Variants in CREBBP observed in about 807,000 individuals in gnomAD.
The protein encoded by CREBBP is CREB-binding protein.
A neutral mutation model predicts 265.0 loss-of-function variants in CREBBP; 19 were observed. The observed-to-expected ratio is 0.07, with a 90% confidence interval of 0.05 to 0.11. CREBBP has a LOEUF of 0.11. Among genes scored for constraint, CREBBP ranks in the 10% least tolerant of loss-of-function variants. The pLI is 1.00. For missense variants in CREBBP, 2,525 were observed against 3,219.0 expected, an observed-to-expected ratio of 0.78 and a Z score of 5.22; for synonymous variants, 1,457 against 1,223.7, an observed-to-expected ratio of 1.19 and a Z score of -3.98.
intron 1 of CREBBP, among the ~76,000 whole-genome samples, chr16:3,863,453 A>G (rs564951928): frequency 1.3e-5 from 2 of 152,158 alleles, no homozygotes; most frequent in South Asian, 4.1e-4. Context: ...AAATACAAAA[A>G]TTAGCTGAGC....
chr16:3,879,288 C>G (rs2055471508), intron 1 of CREBBP, among the ~76,000 whole-genome samples: 1 of 151,964 alleles, frequency 6.6e-6, no homozygotes, highest in Admixed American at 6.6e-5. Flanking sequence ...AAAATAAGCA[C>G]TAAGCATCTT....
intron 2 of CREBBP, among the ~76,000 whole-genome samples, chr16:3,839,730 G>C (rs2054528335): frequency 7.5e-6 from 1 of 133,370 alleles, no homozygotes; most frequent in Admixed American, 7.7e-5. Flanking sequence ...GAGGGGGAGG[G>C]GGAGGGAAGG....
At chr16:3,802,295 C>T (rs946610167) in intron 3 of CREBBP, among the ~76,000 whole-genome samples, 5 of 151,632 alleles carry the variant, frequency 3.3e-5, no homozygotes, top group African/African-American at 1.2e-4. Flanking sequence ...CCACACCTGA[C>T]TAATTTTTGT....
intron 2 of CREBBP, among the ~76,000 whole-genome samples, chr16:3,832,584 G>A (rs1050666554): frequency 1.3e-5 from 2 of 152,276 alleles, no homozygotes; most frequent in African/African-American, 2.4e-5. Flanking sequence ...CTACAAACCT[G>A]TACAGCTTGT....
intron 5 of CREBBP, among the ~76,000 whole-genome samples, chr16:3,791,027 G>A (rs73501796): frequency 0.042 from 6,447 of 152,230 alleles, 445 homozygotes; most frequent in African/African-American, 0.14. Context: ...ACACAAAACA[G>A]GGGAGGGTGG....
At chr16:3,826,904 G>C (rs1044136723) in intron 2 of CREBBP, among the ~76,000 whole-genome samples, 1 of 152,190 alleles carries the variant, frequency 6.6e-6, no homozygotes, top group East Asian at 1.9e-4. Context: ...GGAAAGGTAA[G>C]AGGCTAACAA....
intron 5 of CREBBP, chr16:3,791,370 T>C (rs2053503610): frequency 6.3e-6 from 1 of 158,128 alleles, no homozygotes; most frequent in African/African-American, 2.4e-5. Flanking sequence ...GCAAAACGAC[T>C]GGGGTGATCA....
At chr16:3,846,496 A>G (rs1266817839) in intron 2 of CREBBP, among the ~76,000 whole-genome samples, 3 of 152,248 alleles carry the variant, frequency 2.0e-5, no homozygotes, top group Non-Finnish European at 4.4e-5. Context: ...GTACAAAGAT[A>G]TATGTACAAT....
intron 14 of CREBBP, among the ~76,000 whole-genome samples, chr16:3,769,800 G>A (rs1004997466): frequency 1.3e-5 from 2 of 152,198 alleles, no homozygotes; most frequent in Admixed American, 6.5e-5. Flanking sequence ...GAACACGGGT[G>A]CTGGTGGAGT....
intron 3 of CREBBP, among the ~76,000 whole-genome samples, chr16:3,804,613 G>A (rs754028721): frequency 6.6e-6 from 1 of 152,216 alleles, no homozygotes; most frequent in Non-Finnish European, 1.5e-5. Context: ...CTGAGTTGTT[G>A]CTTCTTGCAG....
Position 3,727,588 on chromosome 16 carries a change from A to T in CREBBP, c.*130T>A. 1 of 1,451,932 alleles carries T rather than the reference A, an allele frequency of 6.9e-7. No homozygotes were observed. Among genetic ancestry groups the T allele is most frequent in the Non-Finnish European group, 9.4e-7 (1 of 1,069,090 alleles). The allele number at this position is 1,451,932 out of a possible 1,614,324, so 89.9% of individuals were successfully genotyped here. On this transcript the variant is annotated 3_prime_UTR_variant, in exon 31 of 31. Transcript: ENST00000262367. ...AATATATTCTTTGTATTGTTTCTTT[A>T]AACATCAATCCACCCTTCCATGGCT...
At position 3,739,673 on chromosome 16, in the gene CREBBP, A is replaced by G. The variant is rs767900786; in HGVS notation, c.4185T>C (p.Ala1395=). The change falls in exon 25 of 31, where the codon GCT becomes GCC. Residue 1395 remains alanine, a synonymous_variant. Transcript: ENST00000262367. The part of the protein sequence containing the change: ...MSESFPYRTK[A]LFAFEEIDGV... ...CGTCAATTTCCTCAAAAGCAAACAG[A>G]GCTTTGGTTCGATATGGGAAAGATT... is the stretch of plus-strand genomic sequence containing the variant. The G allele has an allele frequency of 6.2e-6, 10 of 1,614,198 alleles. No individual in the cohort carries two copies. Among genetic ancestry groups the G allele is most frequent in the Middle Eastern group, 1.6e-4 (1 of 6,062 alleles).
chr16:3,814,608 A>G (rs2054003612), intron 2 of CREBBP, among the ~76,000 whole-genome samples: 1 of 152,086 alleles, frequency 6.6e-6, no homozygotes, highest in Non-Finnish European at 1.5e-5. Flanking sequence ...GCTCTGACAG[A>G]TTTCATCAAA....
chr16:3,864,075 T>C lies in CREBBP; in HGVS notation c.86-13066A>G, dbSNP rs186258686. On this transcript the variant is annotated intron_variant, in intron 1 of 30. Coordinates refer to ENST00000262367, the MANE Select transcript of CREBBP (RefSeq NM_004380.3). ...AGAATGTGGGGGCTGAGCTAGGAGC[T>C]AGCCTTTGCAGAAGCAGCCCCAGAC... Among the ~76,000 whole-genome samples the C allele has an allele frequency of 2.8e-3, 424 of 152,230 alleles. 2 individuals are homozygous for C. Among genetic ancestry groups the C allele is most frequent in the African/African-American group, 9.8e-3 (405 of 41,530 alleles).
intron 1 of CREBBP, among the ~76,000 whole-genome samples, chr16:3,862,379 G>A (rs770318784): frequency 2.0e-5 from 3 of 152,038 alleles, no homozygotes; most frequent in East Asian, 1.9e-4. Flanking sequence ...AGTTCCATAC[G>A]GTGGGAAGGG....
In CREBBP at chr16:3,733,410, G is replaced by GCCCAAATAT. The variant is rs2051970108; in HGVS notation, c.4729-1482_4729-1474dup. ...ACCCCACCGACAAGCAGCCCGAGGA[G>GCCCAAATAT]CCCAAATATCACGTGGGTCCTCCGC... On this transcript the variant is annotated intron_variant, in intron 28 of 30. Transcript: ENST00000262367. Among the ~76,000 whole-genome samples, 4 of 151,486 alleles carry GCCCAAATAT rather than the reference G, an allele frequency of 2.6e-5. No homozygotes were observed. In the South Asian group the frequency reaches 8.4e-4, roughly 32 times the overall value.
chr16:3,869,753 G>GGGCATCCCGAGAACACA (rs1183209296), intron 1 of CREBBP, among the ~76,000 whole-genome samples: 2 of 152,130 alleles, frequency 1.3e-5, no homozygotes, highest in African/African-American at 2.4e-5. Context: ...CTGGCTTGGA[G>GGGCATCCCGAGAACACA]GGCATCCCGA....
chr16:3,803,824 T>C (rs2053774525), intron 3 of CREBBP, among the ~76,000 whole-genome samples: 1 of 152,046 alleles, frequency 6.6e-6, no homozygotes, highest in African/African-American at 2.4e-5. Context: ...CTCACACCTG[T>C]GATGCTAGCA....
chr16:3,805,381 C>G (rs2053808360), intron 3 of CREBBP, among the ~76,000 whole-genome samples: 1 of 152,190 alleles, frequency 6.6e-6, no homozygotes, highest in African/African-American at 2.4e-5. Context: ...GCCGTCTCCA[C>G]AGAACTCTGT....
Sources: allele counts gnomAD v4.1 joint callset (sites outside exome capture counted in the v4.1 genomes callset), GRCh38; gene constraint gnomAD v4.1.1; transcripts MANE v1.5; gene names NCBI Gene and HGNC (gene_info 2026-07-23, HGNC 2026-07-21).